The following CA1 variants were observed in gnomAD, a reference collection of about 807,000 sequenced individuals.
The protein encoded by CA1 is carbonic anhydrase 1.
CA1 carries 27 observed loss-of-function variants against 28.8 expected under a neutral mutation model. The ratio of observed to expected loss-of-function variants is 0.94; its 90% CI spans 0.69 to 1.29. CA1 has a LOEUF of 1.29. Among genes scored for constraint, CA1 ranks in the 50% most tolerant of loss-of-function variants. The pLI, the probability that CA1 is intolerant of heterozygous loss-of-function variation, is 0.00. For missense variants in CA1, 335 were observed against 310.5 expected, an observed-to-expected ratio of 1.08 and a Z score of -0.59; for synonymous variants, 121 against 108.8, an observed-to-expected ratio of 1.11 and a Z score of -0.70.
At chr8:85,338,208 A>G (rs1399620065) in intron 3 of CA1, 44 bp downstream of exon 3, 2 of 1,496,708 alleles carry the variant, frequency 1.3e-6, no homozygotes, top group East Asian at 2.3e-5. Flanking sequence ...AAATTTTCCC[A>G]GTAGACTGTA....
chr8:85,374,677 T>A (rs1220477120), intron 1 of CA1, among the ~76,000 whole-genome samples: 2 of 152,218 alleles, frequency 1.3e-5, no homozygotes, highest in Non-Finnish European at 2.9e-5. Flanking sequence ...CGATTAGCTC[T>A]GTCTCTGTGC....
At chr8:85,361,409 G>T (rs116760264) in intron 1 of CA1, among the ~76,000 whole-genome samples, 2 of 152,152 alleles carry the variant, frequency 1.3e-5, no homozygotes, top group African/African-American at 4.8e-5. Flanking sequence ...AGGCACCATG[G>T]CTCACACCTG....
At position 85,372,332 on chromosome 8, in the gene CA1, G is replaced by A. The variant is rs79922609; in HGVS notation, c.-25+5714C>T. Among the ~76,000 whole-genome samples the A allele has an allele frequency of 5.8e-4, 88 of 152,290 alleles. 1 individual carries two copies. In the East Asian group the frequency reaches 0.015, roughly 25 times the overall value. On this transcript the variant is annotated intron_variant, in intron 1 of 7. Transcript: ENST00000523022. The stretch of plus-strand genomic sequence containing the variant: ...AATACAGCAGAAAACAAGTGTTGGC[G>A]ATGATGTGGAGAAATGAGAACCCTT...
At chr8:85,331,274 C>T (rs1237012654) in intron 6 of CA1, among the ~76,000 whole-genome samples, 3 of 151,774 alleles carry the variant, frequency 2.0e-5, no homozygotes, top group Non-Finnish European at 1.5e-5. Context: ...TTAAAATTTT[C>T]TTCTATATCT....
chr8:85,358,248 C>T (rs573946663), intron 1 of CA1, among the ~76,000 whole-genome samples: 8 of 152,314 alleles, frequency 5.3e-5, no homozygotes, highest in African/African-American at 1.9e-4. Flanking sequence ...CACCTCGCTG[C>T]TGTGCTTTCT....
At chr8:85,333,652 T>A in intron 4 of CA1, 32 bp from the exon 5 acceptor site, 2 of 1,316,736 alleles carry the variant, frequency 1.5e-6, no homozygotes, top group Non-Finnish European at 2.2e-6. Flanking sequence ...ATTAATTATT[T>A]ATACCAGTGT....
intron 2 of CA1, chr8:85,341,227 G>T (rs778869081): frequency 6.0e-5 from 10 of 168,030 alleles, no homozygotes; most frequent in Non-Finnish European, 8.9e-5. Flanking sequence ...AAGGTATGTA[G>T]ATTTTTTAAA....
At chr8:85,365,776 A>G (rs1809981399) in intron 1 of CA1, among the ~76,000 whole-genome samples, 1 of 152,148 alleles carries the variant, frequency 6.6e-6, no homozygotes, top group South Asian at 2.1e-4. Context: ...ACAGATGACA[A>G]TTTCATTGCA....
intron 4 of CA1, among the ~76,000 whole-genome samples, chr8:85,335,289 C>G (rs1389819544): frequency 6.6e-6 from 1 of 152,052 alleles, no homozygotes; most frequent in Middle Eastern, 3.2e-3. Context: ...TTGCTTGTGT[C>G]TCTACGGAAA....
intron 1 of CA1, among the ~76,000 whole-genome samples, chr8:85,350,942 G>C (rs924706337): frequency 6.6e-6 from 1 of 152,118 alleles, no homozygotes; most frequent in Non-Finnish European, 1.5e-5. Context: ...GTTCACGTTC[G>C]ATGTTCTTAC....
At chr8:85,332,388 C>T (rs1213947330) in intron 6 of CA1, 102 bp downstream of exon 6, 1 of 894,476 alleles carries the variant, frequency 1.1e-6, no homozygotes, top group Non-Finnish European at 1.8e-6. Context: ...GTAGCTTTTA[C>T]TATGGCCTTC....
At chr8:85,370,969 A>T (rs1177823102) in intron 1 of CA1, among the ~76,000 whole-genome samples, 2 of 152,106 alleles carry the variant, frequency 1.3e-5, no homozygotes, top group African/African-American at 4.8e-5. Context: ...TTCTTCTATC[A>T]CCTTTGGTTG....
At chr8:85,347,011 G>A (rs557862162) in intron 1 of CA1, among the ~76,000 whole-genome samples, 7 of 152,262 alleles carry the variant, frequency 4.6e-5, no homozygotes, top group Admixed American at 1.3e-4. Flanking sequence ...TAAGGGAGGT[G>A]AAGGTCAGTT....
chr8:85,352,142 A>G (rs998442025), intron 1 of CA1, among the ~76,000 whole-genome samples: 2 of 152,212 alleles, frequency 1.3e-5, no homozygotes, highest in Admixed American at 6.5e-5. Context: ...CTGAAACACC[A>G]GGTCTGCATC....
chr8:85,329,871 G>A, intron 6 of CA1, 27 bp from the exon 7 acceptor site: 1 of 1,536,152 alleles, frequency 6.5e-7, no homozygotes, highest in Non-Finnish European at 8.9e-7. Context: ...CATCATTACA[G>A]CATGATATAA....
In CA1 at chr8:85,338,466, G is replaced by T. The variant is rs1429317524; in HGVS notation, c.38-17C>A. On this transcript the variant is annotated splice_polypyrimidine_tract_variant and intron_variant, in intron 2 of 7. Coordinates refer to ENST00000523022, the MANE Select transcript of CA1 (RefSeq NM_001128831.4). ...GTTCAGGACCTACCAGGACAAACACGTGTAAAATCAATGTCTTATCAAATG... is the reference window on the plus strand; with the variant it reads ...GTTCAGGACCTACCAGGACAAACACTTGTAAAATCAATGTCTTATCAAATG... The T allele has an allele frequency of 7.5e-6, 12 of 1,606,234 alleles. No homozygotes were observed. Among genetic ancestry groups the T allele is most frequent in the Non-Finnish European group, 1.0e-5 (12 of 1,173,026 alleles).
At chr8:85,334,286 A>G (rs757312908) in intron 4 of CA1, among the ~76,000 whole-genome samples, 33 of 152,202 alleles carry the variant, frequency 2.2e-4, no homozygotes, top group Non-Finnish European at 4.1e-4. Context: ...TGCTCAATCA[A>G]TAAGTACAAC....
chr8:85,352,155 A>G (rs954041813), intron 1 of CA1, among the ~76,000 whole-genome samples: 1 of 152,148 alleles, frequency 6.6e-6, no homozygotes, highest in African/African-American at 2.4e-5. Flanking sequence ...TCTGCATCCA[A>G]ATCATTCAAC....
At chr8:85,344,260 G>T (rs1343958515) in intron 1 of CA1, among the ~76,000 whole-genome samples, 3 of 61,770 alleles carry the variant, frequency 4.9e-5, no homozygotes, top group Admixed American at 1.7e-4. Context: ...ATTATATACA[G>T]TATATAATAT....
Sources: gnomAD v4.1 joint callset for allele counts (sites outside exome capture counted in the v4.1 genomes callset) on GRCh38, gnomAD v4.1.1 for gene constraint, MANE v1.5 for transcripts, NCBI Gene and HGNC (gene_info 2026-07-23, HGNC 2026-07-21) for gene names.